MBNL1: variants seen among roughly 807,000 people sequenced by gnomAD.
MBNL1 encodes muscleblind-like protein 1.
In MBNL1, 8 loss-of-function variants were observed where a neutral mutation model predicts 42.2. That is an observed-to-expected ratio of 0.19 (90% confidence interval 0.11 to 0.34). The LOEUF is 0.34. Ranked by LOEUF, MBNL1 falls within the 10% of genes least tolerant of loss-of-function variation. The pLI, the probability that MBNL1 is intolerant of heterozygous loss-of-function variation, is 1.00. For synonymous variants in MBNL1, 169 were observed against 173.9 expected (o/e 0.97, Z 0.22); for missense variants, 309 against 495.3 (o/e 0.62, Z 3.57).
At chr3:152,267,119 T>C (rs2037397226), upstream of MBNL1, 1 of 152,440 alleles carries the variant, frequency 6.6e-6, no homozygotes, top group Non-Finnish European at 1.5e-5. Flanking sequence ...GGTCTTTTAA[T>C]GTCACCCAGG....
chr3:152,290,850 G>T (rs903767176), intron 1 of MBNL1, among the ~76,000 whole-genome samples: 6 of 152,072 alleles, frequency 3.9e-5, no homozygotes, highest in African/African-American at 1.4e-4. Context: ...TTCATTTAGC[G>T]TTCACATTTT....
At chr3:152,400,215 T>G (rs2098153999) in intron 2 of MBNL1, among the ~76,000 whole-genome samples, 1 of 152,230 alleles carries the variant, frequency 6.6e-6, no homozygotes, top group African/African-American at 2.4e-5. Flanking sequence ...CTACTGATAG[T>G]ACTAATTGTC....
Position 152,299,963 on chromosome 3 carries a change from A to G in MBNL1, c.-231A>G. On this transcript the variant is annotated 5_prime_UTR_variant, in exon 2 of 10. Transcript: ENST00000324210. The stretch of plus-strand genomic sequence containing the variant: ...CAATCCTAGTATTTCTCTAAAAACC[A>G]AAACCTCTTTGAATTAACAGTTTCA... 2.0e-6 allele frequency: 1 copy of G among 490,758 alleles called. No individual in the cohort carries two copies. Among genetic ancestry groups the G allele is most frequent in the South Asian group, 3.8e-5 (1 of 26,346 alleles). The allele number at this position is 490,758 out of a possible 1,614,324, so 30.4% of individuals were successfully genotyped here. A position where few individuals can be genotyped will look rare whatever the true frequency, so the allele number is the denominator to read the frequency against.
chr3:152,252,966 G>T (rs561137544), intron 2 of MBNL1, among the ~76,000 whole-genome samples: 94 of 152,182 alleles, frequency 6.2e-4, no homozygotes, highest in African/African-American at 2.2e-3. Context: ...GGTGTCGAAA[G>T]ATTCATTTTC....
intron 2 of MBNL1, 124 bp downstream of exon 2, chr3:152,300,491 A>T (rs2060279448): frequency 1.3e-6 from 1 of 769,396 alleles, no homozygotes; most frequent in South Asian, 2.5e-5. Flanking sequence ...CAGTGTGTTG[A>T]TGATGTTGGG....
chr3:152,343,089 G>A (rs994242066), intron 2 of MBNL1, among the ~76,000 whole-genome samples: 5 of 152,136 alleles, frequency 3.3e-5, no homozygotes, highest in African/African-American at 7.2e-5. Flanking sequence ...GGTCAGTGGA[G>A]AAAGGGGAAG....
intron 2 of MBNL1, among the ~76,000 whole-genome samples, chr3:152,414,107 G>A (rs888339573): frequency 9.9e-5 from 15 of 152,282 alleles, no homozygotes; most frequent in Middle Eastern, 3.4e-3. Context: ...ATGTTCGTTG[G>A]TAGGATGGTC....
At chr3:152,247,966 C>G (rs1034196637) in intron 2 of MBNL1, among the ~76,000 whole-genome samples, 11 of 151,612 alleles carry the variant, frequency 7.3e-5, no homozygotes, top group Non-Finnish European at 1.5e-5. Context: ...CATTATTATT[C>G]TACTTTACAG....
chr3:152,378,042 T>A (rs2096989576), intron 2 of MBNL1, among the ~76,000 whole-genome samples: 1 of 152,156 alleles, frequency 6.6e-6, no homozygotes, highest in East Asian at 1.9e-4. Flanking sequence ...CTAACTATAT[T>A]AAGAATGTTT....
At chr3:152,297,667 A>AT (rs1307147288) in intron 1 of MBNL1, among the ~76,000 whole-genome samples, 4 of 147,530 alleles carry the variant, frequency 2.7e-5, no homozygotes, top group East Asian at 2.0e-4. Flanking sequence ...GGTTTTTTAA[A>AT]TTTTTTTTAG....
At chr3:152,251,346 C>A (rs974089129) in intron 2 of MBNL1, among the ~76,000 whole-genome samples, 4 of 151,952 alleles carry the variant, frequency 2.6e-5, no homozygotes, top group African/African-American at 9.7e-5. Context: ...TACATGGTGG[C>A]TAAATGTATA....
intron 6 of MBNL1, 40 bp downstream of exon 6, chr3:152,447,813 T>G (rs1305311692): frequency 6.3e-7 from 1 of 1,590,900 alleles, no homozygotes; most frequent in Non-Finnish European, 8.6e-7. Context: ...TCTGATGATC[T>G]ACAGAGAGTC....
At chr3:152,338,102 T>C in intron 2 of MBNL1, 4 of 973,878 alleles carry the variant, frequency 4.1e-6, no homozygotes, top group Non-Finnish European at 4.9e-6. Context: ...TATGTATTCC[T>C]TACTTTTCTT....
At chr3:152,368,442 C>T (rs555022614) in intron 2 of MBNL1, among the ~76,000 whole-genome samples, 11 of 152,032 alleles carry the variant, frequency 7.2e-5, no homozygotes, top group South Asian at 2.1e-4. Context: ...AGTCGGGTAG[C>T]GTGATGCCAC....
intron 3 of MBNL1, among the ~76,000 whole-genome samples, chr3:152,420,181 C>T (rs1333623416): frequency 1.3e-5 from 2 of 152,180 alleles, no homozygotes; most frequent in African/African-American, 2.4e-5. Flanking sequence ...GTGGGCGCAG[C>T]TTCAGCAGAC....
At chr3:152,285,731 T>G (rs2051251893) in intron 1 of MBNL1, among the ~76,000 whole-genome samples, 1 of 149,534 alleles carries the variant, frequency 6.7e-6, no homozygotes, top group South Asian at 2.2e-4. Flanking sequence ...CAAACAATCC[T>G]CCTGCCTCAG....
chr3:152,259,287 T>G (rs1371811156), intron 2 of MBNL1, among the ~76,000 whole-genome samples: 1 of 152,156 alleles, frequency 6.6e-6, no homozygotes, highest in Non-Finnish European at 1.5e-5. Context: ...TAGTCTAGAA[T>G]AACTATGCAT....
intron 2 of MBNL1, among the ~76,000 whole-genome samples, chr3:152,372,963 G>T (rs2153270808): frequency 6.6e-6 from 1 of 152,322 alleles, no homozygotes; most frequent in Admixed American, 6.5e-5. Flanking sequence ...GCCCCTGACT[G>T]GGGCTGCTGC....
chr3:152,257,458 T>C (rs1226777888), intron 2 of MBNL1, among the ~76,000 whole-genome samples: 1 of 152,152 alleles, frequency 6.6e-6, no homozygotes, highest in Admixed American at 6.5e-5. Context: ...TGTGCCTTTA[T>C]TTGGCTTTCC....
Sources: gnomAD v4.1 joint callset for allele counts (sites outside exome capture counted in the v4.1 genomes callset) on GRCh38, gnomAD v4.1.1 for gene constraint, MANE v1.5 for transcripts, NCBI Gene and HGNC (gene_info 2026-07-23, HGNC 2026-07-21) for gene names.